Variants in CCT3 observed in about 807,000 individuals in gnomAD.
CCT3 encodes chaperonin containing TCP1 subunit 3.
CCT3 carries 10 observed loss-of-function variants against 65.3 expected under a neutral mutation model. The ratio of observed to expected loss-of-function variants is 0.15; its 90% CI spans 0.09 to 0.26. The LOEUF (loss-of-function observed/expected upper bound fraction) is 0.26. Among genes scored for constraint, CCT3 ranks in the 10% least tolerant of loss-of-function variants. CCT3 has a pLI of 1.00. For missense variants in CCT3, 626 were observed against 708.7 expected (o/e 0.88, Z 1.33); for synonymous variants, 225 against 242.3 (o/e 0.93, Z 0.66).
chr1:156,315,043 C>A (rs1014732938), intron 10 of CCT3, among the ~76,000 whole-genome samples: 1 of 152,112 alleles, frequency 6.6e-6, no homozygotes, highest in Non-Finnish European at 1.5e-5. Flanking sequence ...ACTGAGTGTG[C>A]CTCCTGCCCA....
Position 156,332,205 on chromosome 1 carries a change from G to A in CCT3, c.304+1342C>T, listed in dbSNP as rs557882851. On this transcript the variant is annotated intron_variant, in intron 5 of 13. Coordinates refer to ENST00000295688, the MANE Select transcript of CCT3 (RefSeq NM_005998.5). The stretch of plus-strand genomic sequence containing the variant: ...CGATTTTTATTTTTTACAGTGACGC[G>A]GTCTCTCCATGTTGCCCAGGCTGGT... 3.9e-5 allele frequency among the ~76,000 whole-genome samples: 6 copies of A among 152,202 alleles called. No homozygotes were observed. The South Asian group carries it at 6.2e-4, about 16-fold the overall frequency.
At chr1:156,313,362 A>AAG (rs1359299147) in intron 10 of CCT3, among the ~76,000 whole-genome samples, 41 of 146,166 alleles carry the variant, frequency 2.8e-4, no homozygotes, top group East Asian at 1.8e-3. Context: ...AAAAAAAAAA[A>AAG]AGAGAGAGAG....
chr1:156,318,975 C>G lies in CCT3; in HGVS notation c.652G>C (p.Val218Leu). The change falls in exon 8 of 14, where the codon GTC (valine) becomes CTC (leucine). Residue 218 changes from valine (V) to leucine (L), a missense_variant. Transcript: ENST00000295688. Reference sequence around the variant, plus strand: ...TGGGTCACATCCTTGTTAATCATGACTCCACGCAAGACACAGGAGTCTTCA... The same window carrying G: ...TGGGTCACATCCTTGTTAATCATGAGTCCACGCAAGACACAGGAGTCTTCA... ...IIEDSCVLRG[V>L]MINKDVTHPR... The G allele has an allele frequency of 6.2e-7, 1 of 1,614,088 alleles. No individual in the cohort carries two copies. Among genetic ancestry groups the G allele is most frequent in the Non-Finnish European group, 8.5e-7 (1 of 1,180,002 alleles).
intron 6 of CCT3, among the ~76,000 whole-genome samples, chr1:156,321,702 C>T (rs978084327): frequency 2.0e-5 from 3 of 151,966 alleles, no homozygotes; most frequent in African/African-American, 4.8e-5. Flanking sequence ...GGTGAAACCC[C>T]ATCTCTATTA....
chr1:156,329,047 A>T (rs973072144), intron 5 of CCT3, among the ~76,000 whole-genome samples: 14 of 152,198 alleles, frequency 9.2e-5, no homozygotes, highest in Admixed American at 2.0e-4. Flanking sequence ...TGGTCCCATA[A>T]GATTATAATA....
chr1:156,334,844 A>T lies in CCT3; in HGVS notation c.144+24T>A, dbSNP rs768218050. 1.8e-5 allele frequency: 29 copies of T among 1,613,864 alleles called. No homozygotes were observed. In the East Asian group the frequency reaches 6.2e-4, roughly 35 times the overall value. ...AGGAAGAAAAAAATTGTAGCCTAAG[A>T]GTTTTAGGAAGAGATAAGCCTACCT... On this transcript the variant is annotated intron_variant, in intron 3 of 13. Coordinates refer to ENST00000295688, the MANE Select transcript of CCT3 (RefSeq NM_005998.5).
In CCT3 at chr1:156,333,065, G is replaced by A. The variant is rs145408671; in HGVS notation, c.304+482C>T. 408 of 179,122 alleles carry A rather than the reference G, an allele frequency of 2.3e-3. 1 individual carries two copies. The highest frequency in any genetic ancestry group is 9.4e-3 in the African/African-American group (393 of 41,762). 11.1% of individuals were successfully genotyped at this position (179,122 alleles called of 1,614,324 possible). On this transcript the variant is annotated intron_variant, in intron 5 of 13. Transcript: ENST00000295688. ...AATCCCAGCACTTTGGGAGGCCAAG[G>A]AGGGCGGATCACGAGGTTAAGAGAT... is the stretch of plus-strand genomic sequence containing the variant.
chr1:156,322,219 C>G (rs931646584), intron 6 of CCT3, among the ~76,000 whole-genome samples: 9 of 152,154 alleles, frequency 5.9e-5, no homozygotes, highest in African/African-American at 2.2e-4. Context: ...GCTTAGGCAA[C>G]AGAGTGAGAC....
At chr1:156,335,165 C>A in intron 2 of CCT3, 2 of 454,368 alleles carry the variant, frequency 4.4e-6, no homozygotes, top group South Asian at 6.6e-5. Flanking sequence ...GCCATTCCGC[C>A]CAGCCAGAGT....
chr1:156,317,693 C>T, intron 8 of CCT3, 146 bp from the exon 9 acceptor site: 1 of 671,234 alleles, frequency 1.5e-6, no homozygotes, highest in Non-Finnish European at 2.4e-6. Context: ...CTCTGTAAGC[C>T]AATTTAGCTT....
chr1:156,317,009 C>T (rs1234084916), intron 10 of CCT3, among the ~76,000 whole-genome samples, 157 bp downstream of exon 10: 1 of 152,174 alleles, frequency 6.6e-6, no homozygotes, highest in Non-Finnish European at 1.5e-5. Flanking sequence ...AACTGTTGGA[C>T]TAGAGGACTT....
chr1:156,319,792 T>C (rs948871269), intron 7 of CCT3, among the ~76,000 whole-genome samples: 1 of 152,218 alleles, frequency 6.6e-6, no homozygotes, highest in Non-Finnish European at 1.5e-5. Flanking sequence ...GGGCTCCATC[T>C]ACTGGCCACA....
At chr1:156,317,620 C>T in intron 8 of CCT3, 73 bp from the exon 9 acceptor site, 1 of 1,378,414 alleles carries the variant, frequency 7.3e-7, no homozygotes, top group Non-Finnish European at 1.0e-6. Context: ...TATTATACTC[C>T]TTCCACCCAC....
intron 10 of CCT3, 62 bp downstream of exon 10, chr1:156,317,104 T>C: frequency 1.5e-6 from 2 of 1,358,286 alleles, no homozygotes; most frequent in South Asian, 1.2e-5. Flanking sequence ...TGATGACTGT[T>C]ACGCAACTAC....
rs546506505 is a variant in CCT3, at chr1:156,333,435, T to C, written c.304+112A>G. ...GAGAGAATACATAGAAAATAACCAA[T>C]AAGCTATTTAAATATCTGTAATTAG... On this transcript the variant is annotated intron_variant, in intron 5 of 13. Transcript: ENST00000295688. 3.9e-4 allele frequency: 301 copies of C among 765,522 alleles called. 1 individual carries two copies. Among genetic ancestry groups the C allele is most frequent in the Middle Eastern group, 6.2e-4 (2 of 3,218 alleles). 47.4% of individuals were successfully genotyped at this position (765,522 alleles called of 1,614,324 possible).
At chr1:156,332,591 C>T (rs1051325307) in intron 5 of CCT3, 2 of 152,134 alleles carry the variant, frequency 1.3e-5, no homozygotes, top group Admixed American at 1.3e-4. Flanking sequence ...CAATGACATT[C>T]CTAGGTGAGG....
intron 8 of CCT3, 59 bp from the exon 9 acceptor site, chr1:156,317,606 G>A (rs1405993979): frequency 6.5e-7 from 1 of 1,537,698 alleles, no homozygotes; most frequent in Non-Finnish European, 8.9e-7. Flanking sequence ...AGCTCTAAGG[G>A]TCATATTATA....
At chr1:156,335,566 A>T in intron 2 of CCT3, 1 of 409,940 alleles carries the variant, frequency 2.4e-6, no homozygotes, top group Non-Finnish European at 4.3e-6. Context: ...TGGGAGACAA[A>T]CACAAATAGA....
intron 6 of CCT3, among the ~76,000 whole-genome samples, chr1:156,322,041 GA>G (rs1664578371): frequency 6.6e-6 from 1 of 152,156 alleles, no homozygotes; most frequent in African/African-American, 2.4e-5. Flanking sequence ...TGGAAGCCCA[GA>G]GTTAAAAACC....
Sources: allele counts gnomAD v4.1 joint callset (sites outside exome capture counted in the v4.1 genomes callset), GRCh38; gene constraint gnomAD v4.1.1; transcripts MANE v1.5; gene names NCBI Gene and HGNC (gene_info 2026-07-23, HGNC 2026-07-21).